NUP93: variants seen among roughly 807,000 people sequenced by gnomAD.
NUP93 encodes the protein nucleoporin 93.
A neutral mutation model predicts 107.8 loss-of-function variants in NUP93; 55 were observed. The observed-to-expected ratio is 0.51, with a 90% CI of 0.41 to 0.64. The LOEUF is 0.64. Ranked by LOEUF, NUP93 falls within the 30% of genes least tolerant of loss-of-function variation. The pLI is 0.00. For synonymous variants in NUP93, 390 were observed against 397.5 expected, an observed-to-expected ratio of 0.98 and a Z score of 0.22; for missense variants, 937 against 1,044.7, an observed-to-expected ratio of 0.90 and a Z score of 1.42.
At chr16:56,818,309 C>T (rs1358045175) in intron 5 of NUP93, among the ~76,000 whole-genome samples, 4 of 152,164 alleles carry the variant, frequency 2.6e-5, no homozygotes, top group African/African-American at 9.7e-5. Flanking sequence ...ATAATGGCCT[C>T]ACTAGTGTGA....
At chr16:56,789,795 T>G (rs558614387) in intron 3 of NUP93, among the ~76,000 whole-genome samples, 49 of 152,294 alleles carry the variant, frequency 3.2e-4, no homozygotes, top group African/African-American at 1.2e-3. Flanking sequence ...GTATTAAAAT[T>G]TTTGTAGAAA....
intron 11 of NUP93, 94 bp from the exon 12 acceptor site, chr16:56,832,201 C>A: frequency 7.9e-7 from 1 of 1,258,808 alleles, no homozygotes; most frequent in Non-Finnish European, 1.2e-6. Flanking sequence ...TTCTAGCTGA[C>A]ATCATTGAGC....
At chr16:56,839,636 C>CT in intron 20 of NUP93, 32 bp downstream of exon 20, 1 of 1,532,308 alleles carries the variant, frequency 6.5e-7, no homozygotes, top group Non-Finnish European at 9.0e-7. Flanking sequence ...TGTGGAATTC[C>CT]TTTTTCCCCA....
At chr16:56,752,642 T>G (rs1288628051) in intron 2 of NUP93, among the ~76,000 whole-genome samples, 2 of 152,118 alleles carry the variant, frequency 1.3e-5, no homozygotes, top group Non-Finnish European at 2.9e-5. Flanking sequence ...TTGCCGAAAG[T>G]GACAAGCTGA....
At chr16:56,768,593 T>A (rs542623728) in intron 3 of NUP93, among the ~76,000 whole-genome samples, 1 of 143,402 alleles carries the variant, frequency 7.0e-6, no homozygotes. Context: ...TTTGGCCAGG[T>A]GTGGTGGCTC....
At chr16:56,802,103 C>T (rs567257415) in intron 4 of NUP93, among the ~76,000 whole-genome samples, 9 of 152,328 alleles carry the variant, frequency 5.9e-5, no homozygotes, top group Middle Eastern at 3.4e-3. Context: ...GGCTGTATAG[C>T]GTATCAACCT....
chr16:56,740,140 C>G (rs1961697909), intron 1 of NUP93, among the ~76,000 whole-genome samples: 2 of 147,948 alleles, frequency 1.4e-5, no homozygotes, highest in Non-Finnish European at 1.5e-5. Context: ...CCCCCACCTC[C>G]CTCCCGGACG....
intron 21 of NUP93, chr16:56,842,517 C>T (rs914189395): frequency 4.7e-6 from 2 of 422,400 alleles, no homozygotes; most frequent in Non-Finnish European, 9.2e-6. Context: ...TATTTTTTGA[C>T]CCAGTTAAAC....
rs1418902909 is a variant in NUP93, at chr16:56,844,810, A to G, written c.*201A>G. On this transcript the variant is annotated 3_prime_UTR_variant, in exon 22 of 22. Coordinates refer to ENST00000308159, the MANE Select transcript of NUP93 (RefSeq NM_014669.5). ...TATTTTCTTTTTTTTTTTCTTTGAA[A>G]TTTTGTTTACATTTTTATTTGTGTA... The G allele has an allele frequency of 1.7e-5, 7 of 404,854 alleles. No individual in the cohort carries two copies. Among genetic ancestry groups the G allele is most frequent in the South Asian group, 1.1e-4 (1 of 9,464 alleles). 25.1% of individuals were successfully genotyped at this position (404,854 alleles called of 1,614,324 possible).
chr16:56,808,189 TATATA>T (rs1963199679), intron 5 of NUP93, among the ~76,000 whole-genome samples: 1 of 126,096 alleles, frequency 7.9e-6, no homozygotes, highest in Admixed American at 8.6e-5. Flanking sequence ...AATATATAGT[TATATA>T]ACTATATAAA....
At chr16:56,768,653 T>C (rs1292584421) in intron 3 of NUP93, among the ~76,000 whole-genome samples, 1 of 150,348 alleles carries the variant, frequency 6.7e-6, no homozygotes, top group Non-Finnish European at 1.5e-5. Flanking sequence ...GATCACAAGG[T>C]CAGGAGATCG....
At chr16:56,777,899 C>T (rs564046477) in intron 3 of NUP93, among the ~76,000 whole-genome samples, 5 of 152,306 alleles carry the variant, frequency 3.3e-5, no homozygotes, top group Admixed American at 3.3e-4. Context: ...AGTATAACTG[C>T]CTGCATCTAC....
chr16:56,763,903 A>G (rs1055205358), intron 3 of NUP93, among the ~76,000 whole-genome samples: 1 of 152,198 alleles, frequency 6.6e-6, no homozygotes, highest in Non-Finnish European at 1.5e-5. Flanking sequence ...TAATCTGCCT[A>G]AATCTCCAGA....
At position 56,823,570 on chromosome 16, in the gene NUP93, C is replaced by G. The variant is rs572720845; in HGVS notation, c.655-137C>G. The G allele has an allele frequency of 1.5e-4, 156 of 1,034,174 alleles. 1 individual carries two copies. In the South Asian group the frequency reaches 2.1e-3, roughly 14 times the overall value. 64.1% of individuals were successfully genotyped at this position (1,034,174 alleles called of 1,614,324 possible). A position where few individuals can be genotyped will look rare whatever the true frequency, so the allele number is the denominator to read the frequency against. ...ACGCATCTTCTGCACTGAGCTTAAG[C>G]CTAGCCGTCACAGACAGATGACATT... On this transcript the variant is annotated intron_variant, in intron 7 of 21. Coordinates refer to ENST00000308159, the MANE Select transcript of NUP93 (RefSeq NM_014669.5).
chr16:56,758,607 A>G lies in NUP93; in HGVS notation c.249A>G (p.Ala83=), dbSNP rs1043274058. ...CCCAGCGATTGGAGAGTCTGAGTGC[A>G]GCCACCACCTTTGAGCCTCTTGAGC... is the stretch of plus-strand genomic sequence containing the variant. The part of the protein sequence containing the change: ...HISQRLESLS[A]ATTFEPLEPV... Residue 83 remains alanine, a synonymous_variant, in exon 3 of 22, where the codon GCA becomes GCG. Coordinates refer to ENST00000308159, the MANE Select transcript of NUP93 (RefSeq NM_014669.5). 10 of 1,613,932 alleles carry G rather than the reference A, an allele frequency of 6.2e-6. No homozygotes were observed. Among genetic ancestry groups the G allele is most frequent in the Non-Finnish European group, 8.5e-6 (10 of 1,179,874 alleles).
chr16:56,747,418 G>T (rs1961838817), intron 1 of NUP93, among the ~76,000 whole-genome samples: 1 of 152,132 alleles, frequency 6.6e-6, no homozygotes, highest in Non-Finnish European at 1.5e-5. Context: ...TGTACTACTG[G>T]CATTTCTAAA....
At chr16:56,823,632 G>T (rs1167487622) in intron 7 of NUP93, 75 bp from the exon 8 acceptor site, 25 of 1,549,370 alleles carry the variant, frequency 1.6e-5, no homozygotes, top group Non-Finnish European at 2.0e-5. Flanking sequence ...CCCTTTGGAG[G>T]TCAGAGTGCC....
intron 21 of NUP93, chr16:56,842,713 C>T (rs753244670): frequency 4.9e-6 from 2 of 405,350 alleles, no homozygotes; most frequent in South Asian, 3.7e-5. Context: ...CCACCACACC[C>T]AGCGGAGTTT....
chr16:56,825,525 AT>A (rs1196582502), intron 8 of NUP93, among the ~76,000 whole-genome samples: 1 of 150,540 alleles, frequency 6.6e-6, no homozygotes, highest in African/African-American at 2.4e-5. Context: ...TTTAATTTTT[AT>A]TTTTTTTCAA....
Sources: allele counts gnomAD v4.1 joint callset (sites outside exome capture counted in the v4.1 genomes callset), GRCh38; gene constraint gnomAD v4.1.1; transcripts MANE v1.5; gene names NCBI Gene and HGNC (gene_info 2026-07-23, HGNC 2026-07-21).